Variants in DNAAF9 observed in about 807,000 individuals in gnomAD.
The protein encoded by DNAAF9 is dynein axonemal assembly factor 9.
Under a neutral mutation model 167.0 loss-of-function variants are expected in DNAAF9, and 90 were observed. The ratio of observed to expected loss-of-function variants is 0.54; its 90% CI spans 0.45 to 0.64. The LOEUF is 0.64. DNAAF9 is among the 30% of genes least tolerant of loss of function. DNAAF9 has a pLI of 0.00. For missense variants in DNAAF9, 1,315 were observed against 1,442.2 expected (o/e 0.91, Z 1.43); for synonymous variants, 491 against 508.8 (o/e 0.96, Z 0.47).
chr20:3,402,709 T>C (rs754775737), intron 1 of DNAAF9, among the ~76,000 whole-genome samples: 2 of 152,034 alleles, frequency 1.3e-5, no homozygotes, highest in African/African-American at 2.4e-5. Flanking sequence ...TCCTGAGTAG[T>C]TGGAATCACA....
chr20:3,334,077 C>T (rs2069891725), intron 10 of DNAAF9, among the ~76,000 whole-genome samples: 6 of 152,084 alleles, frequency 3.9e-5, no homozygotes, highest in Admixed American at 3.9e-4. Flanking sequence ...TGTAAAGGTA[C>T]CTATCCTTGT....
chr20:3,328,869 CTTTTT>C (rs572740669), intron 12 of DNAAF9, among the ~76,000 whole-genome samples: 5 of 136,824 alleles, frequency 3.7e-5, no homozygotes, highest in Admixed American at 2.2e-4. Flanking sequence ...CACAATTTTC[CTTTTT>C]TTTTTTTTTT....
chr20:3,336,911 C>T (rs1260984490), intron 10 of DNAAF9, among the ~76,000 whole-genome samples: 7 of 139,746 alleles, frequency 5.0e-5, no homozygotes, highest in Non-Finnish European at 1.1e-4. Context: ...GATGGAGTCT[C>T]GCTCTGTCGC....
chr20:3,359,624 T>G, intron 6 of DNAAF9, 31 bp from the exon 7 acceptor site: 1 of 1,445,442 alleles, frequency 6.9e-7, no homozygotes, highest in Non-Finnish European at 9.7e-7. Flanking sequence ...ATTGAAATAA[T>G]TAAGTCAATA....
At chr20:3,380,526 A>G (rs2083634675) in intron 3 of DNAAF9, among the ~76,000 whole-genome samples, 1 of 152,180 alleles carries the variant, frequency 6.6e-6, no homozygotes, top group Non-Finnish European at 1.5e-5. Context: ...TATCCACTAG[A>G]TGCCAGTGGC....
chr20:3,387,884 T>TAAAAAAAAAAAAA lies in DNAAF9; in HGVS notation c.84-5391_84-5379dup, dbSNP rs557861791. Among the ~76,000 whole-genome samples the TAAAAAAAAAAAAA allele has an allele frequency of 9.0e-4, 79 of 87,354 alleles. 6 individuals carry two copies. Among genetic ancestry groups the TAAAAAAAAAAAAA allele is most frequent in the East Asian group, 9.0e-3 (21 of 2,338 alleles). The allele number at this position is 87,354 out of a possible 152,430, so 57.3% of individuals were successfully genotyped here. Reference sequence around the variant, plus strand: ...AGGGAGACCCTGTCTCTACAAAAAGTAAAAAAAAAAAAAAAAAAAAAAAAA... The same window carrying TAAAAAAAAAAAAA: ...AGGGAGACCCTGTCTCTACAAAAAGTAAAAAAAAAAAAAAAAAAAAAAAAAAAAAAAAAAAAAA... On this transcript the variant is annotated intron_variant, in intron 1 of 36. Coordinates refer to ENST00000252032, the MANE Select transcript of DNAAF9 (RefSeq NM_001009984.3).
intron 3 of DNAAF9, among the ~76,000 whole-genome samples, chr20:3,378,123 A>C (rs1290512627): frequency 6.6e-6 from 1 of 152,158 alleles, no homozygotes. Flanking sequence ...CATCTATGGG[A>C]CCAGACATAG....
intron 16 of DNAAF9, among the ~76,000 whole-genome samples, chr20:3,321,775 G>A (rs564886473): frequency 7.2e-5 from 11 of 152,122 alleles, no homozygotes; most frequent in East Asian, 1.9e-4. Flanking sequence ...GTCTCACTAC[G>A]CTGTCAAGAC....
intron 21 of DNAAF9, 123 bp from the exon 22 acceptor site, chr20:3,298,298 G>A: frequency 1.2e-6 from 1 of 810,596 alleles, no homozygotes; most frequent in Non-Finnish European, 2.0e-6. Context: ...GTAGTTCACT[G>A]TGGTTCAGTA....
In DNAAF9 at chr20:3,399,525, A is replaced by G. The variant is rs75030795; in HGVS notation, c.83+7950T>C. On this transcript the variant is annotated intron_variant, in intron 1 of 36. Transcript: ENST00000252032. ...GCCCGGCCTCCTTTTCTTTCTTAGT[A>G]GAGTACCACAACTTTATTTGTGGCA... 5.2e-3 allele frequency among the ~76,000 whole-genome samples: 792 copies of G among 152,182 alleles called. 4 individuals carry two copies. The highest frequency in any genetic ancestry group is 0.018 in the African/African-American group (753 of 41,514).
At chr20:3,406,237 C>T (rs2084052845) in intron 1 of DNAAF9, among the ~76,000 whole-genome samples, 1 of 152,132 alleles carries the variant, frequency 6.6e-6, no homozygotes, top group Admixed American at 6.5e-5. Flanking sequence ...CTAGTTAAAG[C>T]AAACAAACAA....
At chr20:3,337,423 C>T (rs563716630) in intron 10 of DNAAF9, among the ~76,000 whole-genome samples, 4 of 147,044 alleles carry the variant, frequency 2.7e-5, no homozygotes, top group African/African-American at 7.6e-5. Context: ...GCCACCACGC[C>T]CAGGTTCTTT....
At chr20:3,385,203 C>T (rs1322075493) in intron 1 of DNAAF9, among the ~76,000 whole-genome samples, 8 of 151,452 alleles carry the variant, frequency 5.3e-5, no homozygotes, top group Non-Finnish European at 1.2e-4. Flanking sequence ...AACATAATAC[C>T]GGAAGTTCTA....
rs908644467 is a variant in DNAAF9 at position 3,281,575 on chromosome 20, T to C, written c.2612+66A>G. The C allele has an allele frequency of 6.2e-6, 9 of 1,452,138 alleles. No homozygotes were observed. The South Asian group carries it at 1.2e-4, about 20-fold the overall frequency. 90.0% of individuals were successfully genotyped at this position (1,452,138 alleles called of 1,614,324 possible). ...GGTGACTAATGCATTCCAAAAGATC[T>C]GTCTTCTTCTGGTGGGTGGAAACAA... On this transcript the variant is annotated intron_variant, in intron 28 of 36. Coordinates refer to ENST00000252032, the MANE Select transcript of DNAAF9 (RefSeq NM_001009984.3).
At chr20:3,392,173 A>G (rs1334146492) in intron 1 of DNAAF9, among the ~76,000 whole-genome samples, 1 of 152,164 alleles carries the variant, frequency 6.6e-6, no homozygotes, top group Non-Finnish European at 1.5e-5. Flanking sequence ...ATCTACAAAA[A>G]GAAAAAGAAA....
At chr20:3,264,697 G>A (rs973796147) in intron 30 of DNAAF9, among the ~76,000 whole-genome samples, 173 bp from the exon 31 acceptor site, 1 of 152,084 alleles carries the variant, frequency 6.6e-6, no homozygotes, top group Non-Finnish European at 1.5e-5. Context: ...AGCCTCCTGA[G>A]TAGCGGGGAC....
In DNAAF9 at chr20:3,315,235, G is replaced by A; in HGVS notation, c.1591-115C>T. 1.4e-6 allele frequency: 1 copy of A among 714,418 alleles called. No individual in the cohort carries two copies. Among genetic ancestry groups the A allele is most frequent in the Non-Finnish European group, 2.5e-6 (1 of 400,136 alleles). 44.3% of individuals were successfully genotyped at this position (714,418 alleles called of 1,614,324 possible). A position where few individuals can be genotyped will look rare whatever the true frequency, so the allele number is the denominator to read the frequency against. On this transcript the variant is annotated intron_variant, in intron 19 of 36. Coordinates refer to ENST00000252032, the MANE Select transcript of DNAAF9 (RefSeq NM_001009984.3). This position sits in a 1 kb window ranked among gnomAD's most constrained non-coding sequence, Gnocchi z 4.1. ...ATGTCCGTCTACAAAAGCTGAGTCA[G>A]GCTCAGATATGCCCAATGTATTCCA... is the stretch of plus-strand genomic sequence containing the variant.
chr20:3,320,357 T>C (rs1430195331), intron 16 of DNAAF9, among the ~76,000 whole-genome samples: 2 of 152,196 alleles, frequency 1.3e-5, no homozygotes, highest in Non-Finnish European at 2.9e-5. Context: ...TAGAACTTCA[T>C]CTCTGGATAA....
intron 1 of DNAAF9, among the ~76,000 whole-genome samples, chr20:3,391,557 T>C (rs985785633): frequency 6.7e-6 from 1 of 149,840 alleles, no homozygotes; most frequent in Non-Finnish European, 1.5e-5. Context: ...TTGTTGTGTA[T>C]CCAGCCAGTC....
Sources: gnomAD v4.1 joint callset for allele counts (sites outside exome capture counted in the v4.1 genomes callset) on GRCh38, gnomAD v4.1.1 for gene constraint, Gnocchi (gnomAD v3.1) non-coding constraint, MANE v1.5 for transcripts, NCBI Gene and HGNC (gene_info 2026-07-23, HGNC 2026-07-21) for gene names.